The following UBN2 variants were observed in gnomAD, a reference collection of about 807,000 sequenced individuals.
UBN2 encodes ubinuclein 2.
In UBN2, 35 loss-of-function variants were observed where a neutral mutation model predicts 120.2. That is an observed-to-expected ratio of 0.29 (90% CI 0.22 to 0.39). UBN2 has a LOEUF of 0.39. Ranked by LOEUF, UBN2 falls within the 10% of genes least tolerant of loss-of-function variation. The pLI, the probability that UBN2 is intolerant of heterozygous loss-of-function variation, is 1.00. For missense variants in UBN2, 1,693 were observed against 1,663.2 expected (o/e 1.02, Z -0.31); for synonymous variants, 661 against 648.7 (o/e 1.02, Z -0.29).
chr7:139,239,906 C>A (rs897352438), intron 2 of UBN2, among the ~76,000 whole-genome samples: 1 of 152,000 alleles, frequency 6.6e-6, no homozygotes, highest in Non-Finnish European at 1.5e-5. Flanking sequence ...TTAGAATTGC[C>A]CTTTGCAAAT....
Position 139,307,481 on chromosome 7 carries a change from TA to T in UBN2, c.*9660del, listed in dbSNP as rs3217265. 0.031 allele frequency: 4,212 copies of T among 136,986 alleles called. 145 individuals carry two copies. The highest frequency in any genetic ancestry group is 0.088 in the African/African-American group (3,290 of 37,594). The allele number at this position is 136,986 out of a possible 1,614,324, so 8.5% of individuals were successfully genotyped here. A position where few individuals can be genotyped will look rare whatever the true frequency, so the allele number is the denominator to read the frequency against. On this transcript the variant is annotated 3_prime_UTR_variant, in exon 18 of 18. Transcript: ENST00000473989. ...CCTGTCTCCCTTTTTTGTATTTTAG[TA>T]AAAAAAAAAAAAAATAAATTTAAAT...
chr7:139,240,914 C>G (rs962852316), intron 2 of UBN2, among the ~76,000 whole-genome samples: 1 of 152,060 alleles, frequency 6.6e-6, no homozygotes, highest in East Asian at 1.9e-4. Context: ...TAGCTAAGTC[C>G]AAGTTTTGAC....
chr7:139,253,815 T>G (rs950215816), intron 3 of UBN2, among the ~76,000 whole-genome samples: 1 of 152,236 alleles, frequency 6.6e-6, no homozygotes, highest in African/African-American at 2.4e-5. Flanking sequence ...GTGCAGTAAT[T>G]AAGCATATAC....
intron 2 of UBN2, among the ~76,000 whole-genome samples, chr7:139,237,599 A>G (rs990811031): frequency 2.0e-5 from 3 of 152,160 alleles, no homozygotes; most frequent in African/African-American, 7.2e-5. Context: ...TTTGCTTTAC[A>G]TATATTATCT....
Position 139,293,341 on chromosome 7 carries a change from T to C in UBN2, c.3779T>C (p.Leu1260Pro). Residue 1260 changes from leucine to proline, a missense_variant, in exon 16 of 18, where the codon CTT becomes CCT. By Grantham distance (98) the Leu-to-Pro change is moderately conservative (BLOSUM62 -3). Around this residue, in one of 5 missense-constraint regions of UBN2, gnomAD observed 837 missense variants for 817.6 expected, o/e 1.02. Coordinates refer to ENST00000473989, the MANE Select transcript of UBN2 (RefSeq NM_173569.4). Reference sequence around the variant, plus strand: ...ACTCCTTTTGGGATGCTGGGTGGCCTTGTTCCAGTGACCATGCCCTTCCAG... The same window carrying C: ...ACTCCTTTTGGGATGCTGGGTGGCCCTGTTCCAGTGACCATGCCCTTCCAG... ...NVTPFGMLGG[L>P]VPVTMPFQFP... The C allele has an allele frequency of 6.2e-7, 1 of 1,614,218 alleles. No individual in the cohort carries two copies. Among genetic ancestry groups the C allele is most frequent in the Non-Finnish European group, 8.5e-7 (1 of 1,180,026 alleles).
intron 8 of UBN2, among the ~76,000 whole-genome samples, chr7:139,269,907 C>G (rs532675669): frequency 2.0e-5 from 3 of 151,384 alleles, no homozygotes; most frequent in Non-Finnish European, 2.9e-5. Flanking sequence ...CTCCTGGGCT[C>G]GAGCAGTCCT....
Position 139,299,206 on chromosome 7 carries a change from T to C in UBN2, c.*1370T>C, listed in dbSNP as rs1436264725. ...GATGGGTTTTTTTGCCGCATTATTC[T>C]AGTTTTTTAAGCTTCTGAATATTTT... On this transcript the variant is annotated 3_prime_UTR_variant, in exon 18 of 18. Transcript: ENST00000473989. 1 of 152,228 alleles carries C rather than the reference T, an allele frequency of 6.6e-6. No homozygotes were observed. The highest frequency in any genetic ancestry group is 1.5e-5 in the Non-Finnish European group (1 of 68,022). 9.4% of individuals were successfully genotyped at this position (152,228 alleles called of 1,614,324 possible). A position where few individuals can be genotyped will look rare whatever the true frequency, so the allele number is the denominator to read the frequency against.
chr7:139,268,605 G>A (rs1478121364), intron 7 of UBN2, among the ~76,000 whole-genome samples: 2 of 152,104 alleles, frequency 1.3e-5, no homozygotes, highest in South Asian at 2.1e-4. Flanking sequence ...TAGAGCAGAC[G>A]TTGCTCATAA....
the UBN2 span, among the ~76,000 whole-genome samples, chr7:139,320,871 A>C: frequency 6.6e-6 from 1 of 150,878 alleles, no homozygotes; most frequent in African/African-American, 2.4e-5. Context: ...AAAAAAAAAC[A>C]AACCATTCTC....
the UBN2 span, among the ~76,000 whole-genome samples, chr7:139,313,324 A>G: frequency 6.6e-6 from 1 of 152,098 alleles, no homozygotes; most frequent in Non-Finnish European, 1.5e-5. Flanking sequence ...GGTCTTGTTT[A>G]TATATTAATT....
chr7:139,246,854 A>G (rs778130818), intron 2 of UBN2, among the ~76,000 whole-genome samples: 1 of 152,148 alleles, frequency 6.6e-6, no homozygotes, highest in East Asian at 1.9e-4. Context: ...TTAGCATAGT[A>G]CTTTTGAAAT....
chr7:139,245,006 T>C (rs1796427862), intron 2 of UBN2, among the ~76,000 whole-genome samples: 1 of 151,390 alleles, frequency 6.6e-6, no homozygotes, highest in Non-Finnish European at 1.5e-5. Context: ...TGATCATAGC[T>C]CACTGCAGCC....
intron 17 of UBN2, among the ~76,000 whole-genome samples, chr7:139,295,200 T>G (rs1383054299): frequency 6.6e-6 from 1 of 152,050 alleles, no homozygotes; most frequent in Non-Finnish European, 1.5e-5. Flanking sequence ...CAGATTGCCA[T>G]TAATCCTCTG....
chr7:139,263,203 T>C (rs1796990875), intron 6 of UBN2, among the ~76,000 whole-genome samples: 1 of 152,202 alleles, frequency 6.6e-6, no homozygotes, highest in Non-Finnish European at 1.5e-5. Context: ...TTTGCCTCAT[T>C]TTGTGAATTT....
rs1273100219 is a variant in UBN2, at chr7:139,306,598, A to G, written c.*8762A>G. On this transcript the variant is annotated 3_prime_UTR_variant, in exon 18 of 18. Transcript: ENST00000473989. ...AGAGGTAGGTTCCCAGCCTACAAGT[A>G]TTTCCTGTGATCCATGGCAAGCCTC... is the stretch of plus-strand genomic sequence containing the variant. 1 of 152,160 alleles carries G rather than the reference A, an allele frequency of 6.6e-6. No individual in the cohort carries two copies. Among genetic ancestry groups the G allele is most frequent in the Admixed American group, 6.5e-5 (1 of 15,282 alleles). The allele number at this position is 152,160 out of a possible 1,614,324, so 9.4% of individuals were successfully genotyped here. A position where few individuals can be genotyped will look rare whatever the true frequency, so the allele number is the denominator to read the frequency against.
intron 7 of UBN2, 96 bp from the exon 8 acceptor site, chr7:139,269,298 T>C: frequency 7.8e-7 from 1 of 1,278,458 alleles, no homozygotes; most frequent in East Asian, 2.4e-5. Flanking sequence ...CATGAAAAGA[T>C]AAAATGAGAA....
chr7:139,285,395 A>C (rs1797753688), intron 15 of UBN2, among the ~76,000 whole-genome samples: 1 of 152,164 alleles, frequency 6.6e-6, no homozygotes. Flanking sequence ...ACACCTGATA[A>C]TTTCTTTCTG....
intron 13 of UBN2, among the ~76,000 whole-genome samples, chr7:139,280,446 A>C (rs914601784): frequency 6.6e-6 from 1 of 152,192 alleles, no homozygotes; most frequent in Non-Finnish European, 1.5e-5. Context: ...TTTTAATGAA[A>C]GCTCATACTC....
chr7:139,288,265 A>G (rs1585027224), intron 15 of UBN2, among the ~76,000 whole-genome samples: 1 of 152,238 alleles, frequency 6.6e-6, no homozygotes, highest in African/African-American at 2.4e-5. Context: ...ATGCTGTGAA[A>G]AAATTGTAGG....
Sources: allele counts gnomAD v4.1 joint callset (sites outside exome capture counted in the v4.1 genomes callset), GRCh38; gene constraint gnomAD v4.1.1; regional missense constraint gnomAD v4.1.1; transcripts MANE v1.5; gene names NCBI Gene and HGNC (gene_info 2026-07-23, HGNC 2026-07-21).